The following FOCAD variants were observed in gnomAD, a reference collection of about 807,000 sequenced individuals.
FOCAD encodes the protein KIAA1797.
In FOCAD, 198 loss-of-function variants were observed where a neutral mutation model predicts 225.6. That is an observed-to-expected ratio of 0.88 (90% CI 0.78 to 0.99). FOCAD has a LOEUF of 0.99. Among genes scored for constraint, FOCAD ranks in the 50% least tolerant of loss-of-function variants. FOCAD has a pLI of 0.00. For synonymous variants in FOCAD, 897 were observed against 755.0 expected (o/e 1.19, Z -3.08); for missense variants, 2,713 against 2,123.6 (o/e 1.28, Z -5.46).
At chr9:20,709,361 G>T (rs1824648659) in intron 1 of FOCAD, among the ~76,000 whole-genome samples, 1 of 151,962 alleles carries the variant, frequency 6.6e-6, no homozygotes, top group South Asian at 2.1e-4. Context: ...ATTGTTACTG[G>T]TTTCCTTTTA....
chr9:20,818,007 T>C (rs1408912840), intron 11 of FOCAD, among the ~76,000 whole-genome samples: 1 of 152,148 alleles, frequency 6.6e-6, no homozygotes, highest in Admixed American at 6.5e-5. Context: ...CCACGAGCAG[T>C]GTACAAGGGT....
At chr9:20,810,637 G>T (rs542102370) in intron 11 of FOCAD, among the ~76,000 whole-genome samples, 155 of 151,998 alleles carry the variant, frequency 1.0e-3, no homozygotes, top group African/African-American at 3.6e-3. Context: ...TTCCCTGCTG[G>T]TAGTTACATA....
intron 11 of FOCAD, among the ~76,000 whole-genome samples, chr9:20,799,254 G>A (rs1821502624): frequency 6.6e-6 from 1 of 152,168 alleles, no homozygotes; most frequent in Non-Finnish European, 1.5e-5. Flanking sequence ...GCTGAGGAGT[G>A]CTTTACTTCC....
At chr9:20,798,504 A>C (rs1433771078) in intron 11 of FOCAD, among the ~76,000 whole-genome samples, 4 of 152,100 alleles carry the variant, frequency 2.6e-5, no homozygotes, top group African/African-American at 9.7e-5. Context: ...GTAAGCTATT[A>C]ATTATTTCCT....
intron 15 of FOCAD, among the ~76,000 whole-genome samples, chr9:20,854,080 C>T (rs960280302): frequency 1.3e-5 from 2 of 151,610 alleles, no homozygotes; most frequent in Non-Finnish European, 3.0e-5. Context: ...ATGAAAAGGG[C>T]AAATAAGGCA....
At chr9:20,843,056 A>G (rs1480969988) in intron 15 of FOCAD, among the ~76,000 whole-genome samples, 2 of 151,880 alleles carry the variant, frequency 1.3e-5, no homozygotes, top group African/African-American at 2.4e-5. Context: ...TTTATATCTT[A>G]TATACTATGT....
At chr9:20,965,543 A>C (rs1405603911) in intron 35 of FOCAD, among the ~76,000 whole-genome samples, 1 of 152,098 alleles carries the variant, frequency 6.6e-6, no homozygotes, top group South Asian at 2.1e-4. Context: ...TGGTGATAAA[A>C]TGTATACAAC....
In FOCAD at chr9:20,717,786, T is replaced by G. The variant is rs1320536258; in HGVS notation, c.58-8T>G. 1.9e-6 allele frequency: 3 copies of G among 1,607,774 alleles called. No individual in the cohort carries two copies. In the Admixed American group the frequency reaches 5.0e-5, roughly 27 times the overall value. On this transcript the variant is annotated splice_polypyrimidine_tract_variant and splice_region_variant and intron_variant, in intron 2 of 43. Transcript: ENST00000338382. ...GGACTGTGTTCATTAATTTTATTTC[T>G]TTTTAAGGCTGTGGGTCATCTTATT...
At chr9:20,718,714 C>T (rs1054402606) in intron 3 of FOCAD, among the ~76,000 whole-genome samples, 9 of 152,304 alleles carry the variant, frequency 5.9e-5, no homozygotes, top group African/African-American at 2.2e-4. Context: ...CCTATAATCA[C>T]ATTGTGTACT....
intron 15 of FOCAD, among the ~76,000 whole-genome samples, chr9:20,823,553 G>A (rs1824552465): frequency 6.6e-6 from 1 of 152,038 alleles, no homozygotes; most frequent in Non-Finnish European, 1.5e-5. Context: ...AGACTGAGTA[G>A]GGTGGGTAAA....
At chr9:20,734,137 C>G (rs977773729) in intron 4 of FOCAD, among the ~76,000 whole-genome samples, 5 of 152,282 alleles carry the variant, frequency 3.3e-5, no homozygotes, top group African/African-American at 1.2e-4. Context: ...AGTGGTGAAA[C>G]TACTTTTTGT....
At chr9:20,676,250 G>C (rs1822231486) in intron 2 of FOCAD, among the ~76,000 whole-genome samples, 1 of 152,164 alleles carries the variant, frequency 6.6e-6, no homozygotes, top group Admixed American at 6.5e-5. Context: ...TGGACTTAAT[G>C]ATCAATTCTG....
In FOCAD at chr9:20,808,662, C is replaced by T. The variant is rs566420508; in HGVS notation, c.1456-11134C>T. Among the ~76,000 whole-genome samples the T allele has an allele frequency of 9.9e-5, 15 of 152,146 alleles. No homozygotes were observed. The South Asian group carries it at 1.2e-3, about 13-fold the overall frequency. On this transcript the variant is annotated intron_variant, in intron 11 of 43. Transcript: ENST00000338382. ...GATGTGCCTTGAAAAATAAGCTGAT[C>T]GGGAAGGCAGGGGAGAAGCATGATT...
At chr9:20,755,788 C>T (rs186903688) in intron 5 of FOCAD, among the ~76,000 whole-genome samples, 94 of 152,158 alleles carry the variant, frequency 6.2e-4, no homozygotes, top group African/African-American at 2.2e-3. Flanking sequence ...GCTGTTTCTT[C>T]CTTTTTATGT....
intron 6 of FOCAD, 76 bp downstream of exon 6, chr9:20,758,267 T>TTTTG (rs1432795714): frequency 6.9e-6 from 7 of 1,015,616 alleles, no homozygotes; most frequent in Non-Finnish European, 9.9e-6. Context: ...TAGGGTTTTT[T>TTTTG]TTTGTTTGTT....
chr9:20,795,845 TGTTA>T (rs1224136149), intron 11 of FOCAD, among the ~76,000 whole-genome samples: 1 of 151,766 alleles, frequency 6.6e-6, no homozygotes, highest in Non-Finnish European at 1.5e-5. Flanking sequence ...ATTTATTTTT[TGTTA>T]TACTTTAAGT....
chr9:20,866,917 T>TTTTTTTTTTTTTTAAAA lies in FOCAD; in HGVS notation c.2107-12_2107-11insTTTTTTTTTTTTTAAAA. The TTTTTTTTTTTTTTAAAA allele has an allele frequency of 7.8e-6, 6 of 764,972 alleles. No homozygotes were observed. The highest frequency in any genetic ancestry group is 1.2e-5 in the Non-Finnish European group (6 of 498,468). 47.4% of individuals were successfully genotyped at this position (764,972 alleles called of 1,614,324 possible). On this transcript the variant is annotated splice_polypyrimidine_tract_variant and intron_variant, in intron 17 of 43. Coordinates refer to ENST00000338382, the MANE Select transcript of FOCAD (RefSeq NM_001375567.1). Reference sequence around the variant, plus strand: ...TTTTTTTTTTTTTTTTTTTTTTTTTTACCCTATCTAGGACCCAATTGTAGC... The same window carrying TTTTTTTTTTTTTTAAAA: ...TTTTTTTTTTTTTTTTTTTTTTTTTTTTTTTTTTTTTTTAAAAACCCTATCTAGGACCCAATTGTAGC...
At chr9:20,796,759 G>A (rs1349145352) in intron 11 of FOCAD, among the ~76,000 whole-genome samples, 8 of 152,080 alleles carry the variant, frequency 5.3e-5, no homozygotes, top group Non-Finnish European at 1.0e-4. Context: ...CTCCCATTCT[G>A]TAGGTTGCCT....
intron 15 of FOCAD, among the ~76,000 whole-genome samples, chr9:20,829,556 G>A (rs1229579823): frequency 6.6e-6 from 1 of 151,890 alleles, no homozygotes; most frequent in East Asian, 1.9e-4. Flanking sequence ...CTGGAGAAAT[G>A]TCTATTCAGA....
Sources: allele counts gnomAD v4.1 joint callset (sites outside exome capture counted in the v4.1 genomes callset), GRCh38; gene constraint gnomAD v4.1.1; transcripts MANE v1.5; gene names NCBI Gene and HGNC (gene_info 2026-07-23, HGNC 2026-07-21).